LYST: variants seen among roughly 807,000 people sequenced by gnomAD.
The protein encoded by LYST is lysosomal trafficking regulator.
A neutral mutation model predicts 413.6 loss-of-function variants in LYST; 192 were observed. The observed-to-expected ratio is 0.46, with a 90% CI of 0.41 to 0.52. The LOEUF is 0.52. Ranked by LOEUF, LYST falls within the 20% of genes least tolerant of loss-of-function variation. LYST has a pLI of 0.00. For missense variants in LYST, 3,815 were observed against 4,499.9 expected (o/e 0.85, Z 4.35); for synonymous variants, 1,525 against 1,567.3 (o/e 0.97, Z 0.64).
Position 235,773,998 on chromosome 1 carries a change from A to G in LYST, c.5635-7T>C. ...AGCATCCTTCAAGAAGGGTCTATAG[A>G]AAATTAGCATTAATATAAGATGCAT... On this transcript the variant is annotated splice_region_variant and splice_polypyrimidine_tract_variant and intron_variant, in intron 18 of 52. Coordinates refer to ENST00000389793, the MANE Select transcript of LYST (RefSeq NM_000081.4). 6.3e-7 allele frequency: 1 copy of G among 1,586,888 alleles called. No individual in the cohort carries two copies.
chr1:235,807,976 A>G (rs1176362418), intron 5 of LYST, among the ~76,000 whole-genome samples: 5 of 152,204 alleles, frequency 3.3e-5, no homozygotes, highest in Admixed American at 1.3e-4. Context: ...TATTTTACCC[A>G]TAAGATATTA....
chr1:235,737,919 C>CAGG, intron 31 of LYST: 1 of 1,160,704 alleles, frequency 8.6e-7, no homozygotes, highest in Non-Finnish European at 1.1e-6. Context: ...GCCGACGAGT[C>CAGG]TGGATCTCAC....
In LYST at chr1:235,806,655, T is replaced by C. The variant is rs757637066; in HGVS notation, c.2481A>G (p.Leu827=). 4 of 1,613,934 alleles carry C rather than the reference T, an allele frequency of 2.5e-6. No individual in the cohort carries two copies. Among genetic ancestry groups the C allele is most frequent in the Non-Finnish European group, 1.7e-6 (2 of 1,179,822 alleles). The change falls in exon 6 of 53, where the codon CTA becomes CTG. Residue 827 remains leucine, a synonymous_variant. Transcript: ENST00000389793. ...LKAFETLIIS[L]GEQQKDASVP... ...CTGAGGCATCTTTCTGTTGCTCCCC[T>C]AGGCTGATTATCAGAGTTTCAAATG...
intron 4 of LYST, 152 bp from the exon 5 acceptor site, chr1:235,810,686 A>G (rs889214033): frequency 1.5e-5 from 10 of 685,148 alleles, no homozygotes; most frequent in Non-Finnish European, 2.5e-5. Flanking sequence ...TTTATGTCAT[A>G]TCTCTGGGTT....
chr1:235,724,473 C>G (rs1325481559), intron 38 of LYST, among the ~76,000 whole-genome samples: 1 of 152,154 alleles, frequency 6.6e-6, no homozygotes, highest in Non-Finnish European at 1.5e-5. Flanking sequence ...CTCACAGTTT[C>G]TCTATTATTA....
intron 4 of LYST, among the ~76,000 whole-genome samples, chr1:235,811,674 A>G (rs1673463297): frequency 6.6e-6 from 1 of 152,186 alleles, no homozygotes; most frequent in South Asian, 2.1e-4. Context: ...GCTGTAATTT[A>G]GAGTGAATAA....
chr1:235,753,111 A>G lies in LYST; in HGVS notation c.7393T>C (p.Leu2465=). The change falls in exon 26 of 53, where the codon TTG becomes CTG. Residue 2465 remains leucine (L), a synonymous_variant. Coordinates refer to ENST00000389793, the MANE Select transcript of LYST (RefSeq NM_000081.4). ...LNSCSKVADM[L]LDNGLLYVLC... ...ACATAGAGTAGACCATTATCCAGCA[A>G]CATATCTGCTACCTTAGAACAAGAA... 6.2e-7 allele frequency: 1 copy of G among 1,609,160 alleles called. No individual in the cohort carries two copies. Among genetic ancestry groups the G allele is most frequent in the East Asian group, 2.2e-5 (1 of 44,698 alleles).
intron 1 of LYST, among the ~76,000 whole-genome samples, chr1:235,863,354 T>C (rs1680127279): frequency 6.6e-6 from 1 of 151,790 alleles, no homozygotes; most frequent in Non-Finnish European, 1.5e-5. Flanking sequence ...ATCTCGCCTC[T>C]ACACTCCAGC....
chr1:235,846,504 T>C (rs1023457904), intron 1 of LYST, among the ~76,000 whole-genome samples: 1 of 151,860 alleles, frequency 6.6e-6, no homozygotes, highest in African/African-American at 2.4e-5. Context: ...TCACCAGCAA[T>C]AGATCCAAAC....
At chr1:235,712,337 T>G (rs1334361815) in intron 42 of LYST, 140 bp from the exon 43 acceptor site, 1 of 643,918 alleles carries the variant, frequency 1.6e-6, no homozygotes, top group Non-Finnish European at 2.6e-6. Flanking sequence ...AAAGAAGTTA[T>G]TCATGTTCTT....
intron 48 of LYST, among the ~76,000 whole-genome samples, chr1:235,678,634 TAAAC>T (rs1025147514): frequency 2.0e-5 from 3 of 152,336 alleles, no homozygotes; most frequent in Middle Eastern, 3.4e-3. Context: ...ACTACCCAGT[TAAAC>T]AAATCTTAAC....
intron 41 of LYST, among the ~76,000 whole-genome samples, chr1:235,715,943 T>C (rs1662804325): frequency 6.6e-6 from 1 of 152,116 alleles, no homozygotes; most frequent in African/African-American, 2.4e-5. Flanking sequence ...CAACCAAACA[T>C]TTAATATCTG....
intron 3 of LYST, among the ~76,000 whole-genome samples, chr1:235,821,821 AT>A (rs1674777119): frequency 6.6e-6 from 1 of 152,222 alleles, no homozygotes; most frequent in South Asian, 2.1e-4. Flanking sequence ...GCCTGCTCCC[AT>A]TCTGCCCCAC....
At chr1:235,840,277 T>G (rs1159564944) in intron 1 of LYST, 1 of 152,016 alleles carries the variant, frequency 6.6e-6, no homozygotes, top group Non-Finnish European at 1.5e-5. Context: ...TAAATTGAAG[T>G]TGTACAGGTA....
chr1:235,685,268 C>G (rs2103053952), intron 48 of LYST, among the ~76,000 whole-genome samples: 1 of 152,206 alleles, frequency 6.6e-6, no homozygotes, highest in African/African-American at 2.4e-5. Context: ...ATACACTCCA[C>G]TGTTCTGGCT....
intron 45 of LYST, among the ~76,000 whole-genome samples, chr1:235,699,784 G>A (rs1049865727): frequency 1.3e-5 from 2 of 152,192 alleles, no homozygotes; most frequent in African/African-American, 4.8e-5. Context: ...ATTGGTGTGA[G>A]ATGGTATCTC....
chr1:235,684,061 G>A (rs1660028809), intron 48 of LYST, among the ~76,000 whole-genome samples: 1 of 152,114 alleles, frequency 6.6e-6, no homozygotes, highest in Non-Finnish European at 1.5e-5. Context: ...CTGCTTTAAG[G>A]CAAATATATA....
At chr1:235,724,866 C>T (rs946350795) in intron 38 of LYST, among the ~76,000 whole-genome samples, 5 of 152,130 alleles carry the variant, frequency 3.3e-5, no homozygotes, top group African/African-American at 4.8e-5. Flanking sequence ...AATGACATCC[C>T]CAGAAGTCAA....
At chr1:235,830,129 C>T (rs1675787980) in intron 3 of LYST, 97 bp downstream of exon 3, 1 of 883,744 alleles carries the variant, frequency 1.1e-6, no homozygotes, top group East Asian at 2.6e-5. Flanking sequence ...TGGACTTTAT[C>T]TCAAGGAGGC....
Sources: gnomAD v4.1 joint callset for allele counts (sites outside exome capture counted in the v4.1 genomes callset) on GRCh38, gnomAD v4.1.1 for gene constraint, MANE v1.5 for transcripts, NCBI Gene and HGNC (gene_info 2026-07-23, HGNC 2026-07-21) for gene names.